Variants in THSD4 observed in about 807,000 individuals in gnomAD.
THSD4 encodes the protein thrombospondin type 1 domain containing 4, also known as thrombospondin type-1 domain-containing protein 4.
Under a neutral mutation model 119.0 loss-of-function variants are expected in THSD4, and 69 were observed. The ratio of observed to expected loss-of-function variants is 0.58; its 90% confidence interval spans 0.48 to 0.71. The LOEUF (loss-of-function observed/expected upper bound fraction) is 0.71, where lower values mean the gene tolerates loss of function less well. Among genes scored for constraint, THSD4 ranks in the 30% least tolerant of loss-of-function variants. The probability of loss-of-function intolerance (pLI) is 0.00; values close to 1 mark genes in which losing one functional copy is unlikely to be tolerated. For missense variants in THSD4, 1,393 were observed against 1,391.1 expected, an observed-to-expected ratio of 1.00 and a Z score of -0.02; for synonymous variants, 524 against 540.4, an observed-to-expected ratio of 0.97 and a Z score of 0.42.
Position 71,241,293 on chromosome 15 carries a change from C to CAA in THSD4, c.465-1356_465-1355insAA, listed in dbSNP as rs552308501. ...TTAAAAGTAAGTAAGAGTTAGTTGA[C>CAA]TTACTTAAGTCCTTCCACAGAGATT... On this transcript the variant is annotated intron_variant, in intron 4 of 17. Transcript: ENST00000261862. Among the ~76,000 whole-genome samples, 172 of 152,336 alleles carry CAA rather than the reference C, an allele frequency of 1.1e-3. 1 individual carries two copies. Among genetic ancestry groups the CAA allele is most frequent in the South Asian group, 5.6e-3 (27 of 4,824 alleles).
At position 71,183,463 on chromosome 15, in the gene THSD4, T is replaced by G. The variant is rs762414329; in HGVS notation, c.99+28531T>G. On this transcript the variant is annotated intron_variant, in intron 3 of 17. Transcript: ENST00000261862. ...ATTCTGGACCTTGGGCAAGGTCCAG[T>G]GCCTCAGTTTCCTCATCTGTAAAAT... is the stretch of plus-strand genomic sequence containing the variant. 2.6e-5 allele frequency among the ~76,000 whole-genome samples: 4 copies of G among 151,676 alleles called. 1 individual carries two copies. The highest frequency in any genetic ancestry group is 5.9e-5 in the Non-Finnish European group (4 of 67,862).
In THSD4 at chr15:71,511,571, CT is replaced by C. The variant is rs373062119; in HGVS notation, c.1152+99749del. On this transcript the variant is annotated intron_variant, in intron 7 of 17. Coordinates refer to ENST00000261862, the MANE Select transcript of THSD4 (RefSeq NM_024817.3). ...AACGTGGGAAAACCAAATTTCCCCC[CT>C]CCCACTGCTTTTGTTTTGGCTTTTG... is the stretch of plus-strand genomic sequence containing the variant. Among the ~76,000 whole-genome samples, 374 of 152,290 alleles carry C rather than the reference CT, an allele frequency of 2.5e-3. 5 individuals carry two copies. Among genetic ancestry groups the C allele is most frequent in the Middle Eastern group, 0.024 (7 of 294 alleles).
chr15:71,411,754 T>A lies in THSD4; in HGVS notation c.1083T>A (p.Ala361=), dbSNP rs1214233457. The A allele has an allele frequency of 6.2e-7, 1 of 1,614,150 alleles. No individual in the cohort carries two copies. Among genetic ancestry groups the A allele is most frequent in the Non-Finnish European group, 8.5e-7 (1 of 1,180,012 alleles). The change falls in exon 7 of 18, where the codon GCT becomes GCA. Residue 361 remains alanine, a synonymous_variant. Coordinates refer to ENST00000261862, the MANE Select transcript of THSD4 (RefSeq NM_024817.3). Reference sequence around the variant, plus strand: ...GCTACCGCTTCTATGTACGGCAAGCTGAGAAAGTCATCGATGGCACCCCCT... The same window carrying A: ...GCTACCGCTTCTATGTACGGCAAGCAGAGAAAGTCATCGATGGCACCCCCT... ...AMGYRFYVRQ[A]EKVIDGTPCD...
At chr15:71,573,131 G>A (rs771628337) in intron 7 of THSD4, among the ~76,000 whole-genome samples, 2 of 152,148 alleles carry the variant, frequency 1.3e-5, no homozygotes, top group Non-Finnish European at 2.9e-5. Context: ...AACAGACTTA[G>A]GGTTTCTGGG....
chr15:71,609,623 C>A (rs895248553), intron 7 of THSD4, among the ~76,000 whole-genome samples: 36 of 152,036 alleles, frequency 2.4e-4, no homozygotes, highest in Non-Finnish European at 4.7e-4. Flanking sequence ...GAGGCCGAGG[C>A]GGGCAGATCA....
chr15:71,517,618 A>G (rs1005122324), intron 7 of THSD4, among the ~76,000 whole-genome samples: 4 of 152,246 alleles, frequency 2.6e-5, no homozygotes, highest in Non-Finnish European at 5.9e-5. Flanking sequence ...GATAAGTCTC[A>G]CTGGCATCTC....
intron 6 of THSD4, among the ~76,000 whole-genome samples, chr15:71,285,125 A>G (rs1199648347): frequency 6.6e-6 from 1 of 152,168 alleles, no homozygotes; most frequent in African/African-American, 2.4e-5. Context: ...TACCATTCTT[A>G]CTATGAATGG....
intron 7 of THSD4, among the ~76,000 whole-genome samples, chr15:71,505,057 TC>T (rs1450734966): frequency 3.9e-5 from 6 of 152,176 alleles, no homozygotes; most frequent in African/African-American, 1.4e-4. Flanking sequence ...AGGTAAAGTG[TC>T]CTCATCCCAT....
At chr15:71,582,899 TTTTTGC>T (rs2049587825) in intron 7 of THSD4, among the ~76,000 whole-genome samples, 3 of 152,114 alleles carry the variant, frequency 2.0e-5, no homozygotes, top group Admixed American at 6.6e-5. Context: ...TTGTTGAGGA[TTTTTGC>T]ATCTGTATCT....
At chr15:71,634,324 A>G (rs974280158) in intron 7 of THSD4, among the ~76,000 whole-genome samples, 1 of 152,240 alleles carries the variant, frequency 6.6e-6, no homozygotes, top group African/African-American at 2.4e-5. Context: ...GGCAGCCACT[A>G]CAGTGACAGG....
At chr15:71,437,049 C>T (rs936104642) in intron 7 of THSD4, among the ~76,000 whole-genome samples, 3 of 152,160 alleles carry the variant, frequency 2.0e-5, no homozygotes, top group African/African-American at 4.8e-5. Context: ...GCAGGCTGTA[C>T]AGGAAGCATG....
At chr15:71,219,826 G>A (rs2043960946) in intron 4 of THSD4, among the ~76,000 whole-genome samples, 2 of 152,192 alleles carry the variant, frequency 1.3e-5, no homozygotes, top group Non-Finnish European at 2.9e-5. Context: ...AGAAGCAACA[G>A]CACTAGAATT....
At chr15:71,181,793 A>G (rs1326384274) in intron 3 of THSD4, among the ~76,000 whole-genome samples, 1 of 152,242 alleles carries the variant, frequency 6.6e-6, no homozygotes, top group Non-Finnish European at 1.5e-5. Flanking sequence ...GAAAGAAGCC[A>G]TAATCATTCC....
At position 71,762,150 on chromosome 15, in the gene THSD4, A is replaced by AACACACACACACACACAC. The variant is rs72267245; in HGVS notation, c.2590-2858_2590-2841dup. Among the ~76,000 whole-genome samples, 39 of 112,306 alleles carry AACACACACACACACACAC rather than the reference A, an allele frequency of 3.5e-4. 1 individual carries two copies. The highest frequency in any genetic ancestry group is 9.7e-4 in the African/African-American group (38 of 39,258). The allele number at this position is 112,306 out of a possible 152,430, so 73.7% of individuals were successfully genotyped here. A position where few individuals can be genotyped will look rare whatever the true frequency, so the allele number is the denominator to read the frequency against. On this transcript the variant is annotated intron_variant, in intron 15 of 17. Coordinates refer to ENST00000261862, the MANE Select transcript of THSD4 (RefSeq NM_024817.3). The stretch of plus-strand genomic sequence containing the variant: ...AAATGCTGTCTCATGCGCGTGTGCA[A>AACACACACACACACACAC]ACACACACACACACACACACACACA...
chr15:71,362,956 G>C (rs2045911814), intron 6 of THSD4, among the ~76,000 whole-genome samples: 1 of 135,356 alleles, frequency 7.4e-6, no homozygotes, highest in East Asian at 2.2e-4. Context: ...TAACACGAAT[G>C]ATAGCTGATG....
chr15:71,421,275 T>A lies in THSD4; in HGVS notation c.1152+9452T>A, dbSNP rs1315496372. ...TACCAGTGAGTTTTGTACCTTCAAC[T>A]GATTTCTTATTGCTCATTAACATCA... is the stretch of plus-strand genomic sequence containing the variant. On this transcript the variant is annotated intron_variant, in intron 7 of 17. Transcript: ENST00000261862. Among the ~76,000 whole-genome samples the A allele has an allele frequency of 4.5e-5, 2 of 44,406 alleles. 1 individual carries two copies. The highest frequency in any genetic ancestry group is 1.2e-3 in the South Asian group (2 of 1,616). The allele number at this position is 44,406 out of a possible 152,430, so 29.1% of individuals were successfully genotyped here. A position where few individuals can be genotyped will look rare whatever the true frequency, so the allele number is the denominator to read the frequency against.
At chr15:71,297,761 A>C in intron 6 of THSD4, among the ~76,000 whole-genome samples, 1 of 152,052 alleles carries the variant, frequency 6.6e-6, no homozygotes, top group Non-Finnish European at 1.5e-5. Context: ...GCTGCACACG[A>C]CTGCACCCTG....
intron 6 of THSD4, among the ~76,000 whole-genome samples, chr15:71,375,297 C>T (rs905920878): frequency 6.6e-6 from 1 of 152,148 alleles, no homozygotes; most frequent in Non-Finnish European, 1.5e-5. Context: ...GATGTTTTCT[C>T]CCTCTTCCTG....
chr15:71,441,063 C>T (rs2047081135), intron 7 of THSD4, among the ~76,000 whole-genome samples: 1 of 152,138 alleles, frequency 6.6e-6, no homozygotes, highest in African/African-American at 2.4e-5. Context: ...ACACAGTCCT[C>T]TTATCTATAA....
Sources: gnomAD v4.1 joint callset for allele counts (sites outside exome capture counted in the v4.1 genomes callset) on GRCh38, gnomAD v4.1.1 for gene constraint, MANE v1.5 for transcripts, NCBI Gene and HGNC (gene_info 2026-07-23, HGNC 2026-07-21) for gene names.